CFAP46: variants seen among roughly 807,000 people sequenced by gnomAD.
CFAP46 encodes the protein cilia- and flagella-associated protein 46.
Under a neutral mutation model 325.7 loss-of-function variants are expected in CFAP46, and 245 were observed. The observed-to-expected ratio is 0.75, with a 90% CI of 0.68 to 0.84. The LOEUF (loss-of-function observed/expected upper bound fraction) is 0.84, where lower values mean the gene tolerates loss of function less well. CFAP46 is among the 40% of genes least tolerant of loss of function. CFAP46 has a pLI of 0.00. For missense variants in CFAP46, 3,346 were observed against 3,543.0 expected, an observed-to-expected ratio of 0.94 and a Z score of 1.41; for synonymous variants, 1,523 against 1,495.9, an observed-to-expected ratio of 1.02 and a Z score of -0.42.
intron 18 of CFAP46, 94 bp from the exon 19 acceptor site, chr10:132,912,914 G>C: frequency 6.7e-7 from 1 of 1,496,944 alleles, no homozygotes; most frequent in East Asian, 2.5e-5. Context: ...AGAGGCCTGA[G>C]ATGCACGGGT....
chr10:132,821,060 C>CTG (rs200480100), intron 50 of CFAP46, among the ~76,000 whole-genome samples: 3 of 82,148 alleles, frequency 3.7e-5, no homozygotes, highest in Admixed American at 1.5e-4. Context: ...GTGCTGTGTG[C>CTG]TGTGAGTGCT....
chr10:132,902,806 T>C (rs1398751979), intron 22 of CFAP46, among the ~76,000 whole-genome samples: 1 of 152,234 alleles, frequency 6.6e-6, no homozygotes, highest in Non-Finnish European at 1.5e-5. Context: ...AGTTAATTAC[T>C]GGTGGCTCAG....
At chr10:132,897,663 G>A (rs577073009) in intron 24 of CFAP46, among the ~76,000 whole-genome samples, 1 of 152,340 alleles carries the variant, frequency 6.6e-6, no homozygotes, top group Non-Finnish European at 1.5e-5. Context: ...CAGGTTGGCA[G>A]GTCGGCAGGC....
chr10:132,833,916 G>A (rs901006437), intron 49 of CFAP46, 125 bp downstream of exon 49: 14 of 831,626 alleles, frequency 1.7e-5, no homozygotes, highest in Non-Finnish European at 2.6e-5. Flanking sequence ...AGGAGCAGCA[G>A]GGCTTGTGGG....
rs1185679937 is a variant in CFAP46, at chr10:132,814,631, G to A, written c.7250-19C>T. 2.5e-6 allele frequency: 4 copies of A among 1,580,194 alleles called. No individual in the cohort carries two copies. The Admixed American group carries it at 7.5e-5, about 29-fold the overall frequency. On this transcript the variant is annotated intron_variant, in intron 52 of 57. Transcript: ENST00000368586. ...ACGACGACTGGGTCCCGGTCAAGGAGAAACGGGAGCACAGGGCGGGGTCTG... is the reference window on the plus strand; with the variant it reads ...ACGACGACTGGGTCCCGGTCAAGGAAAAACGGGAGCACAGGGCGGGGTCTG...
Position 132,895,838 on chromosome 10 carries a change from C to T in CFAP46, c.3219+3121G>A, listed in dbSNP as rs148904172. Among the ~76,000 whole-genome samples, 773 of 151,866 alleles carry T rather than the reference C, an allele frequency of 5.1e-3. 8 individuals carry two copies. Among genetic ancestry groups the T allele is most frequent in the African/African-American group, 0.018 (726 of 41,122 alleles). Reference sequence around the variant, plus strand: ...GATAAGGTCACGAGAGTGGGGTCCTCACAATGAAGTTGGTGCACTTTAAGA... The same window carrying T: ...GATAAGGTCACGAGAGTGGGGTCCTTACAATGAAGTTGGTGCACTTTAAGA... On this transcript the variant is annotated intron_variant, in intron 24 of 57. Transcript: ENST00000368586.
rs1343450420 is a variant in CFAP46 at position 132,908,576 on chromosome 10, A to G, written c.2816T>C (p.Leu939Pro). 1.3e-6 allele frequency: 2 copies of G among 1,550,200 alleles called. No individual in the cohort carries two copies. Among genetic ancestry groups the G allele is most frequent in the Non-Finnish European group, 8.7e-7 (1 of 1,146,792 alleles). Residue 939 changes from leucine to proline, a missense_variant, in exon 22 of 58, where the codon CTG becomes CCG. Transcript: ENST00000368586. ...WSDPLVELQTLTRLTHFAHAA... is the reference protein window; with the variant it reads ...WSDPLVELQTPTRLTHFAHAA... ...ATGGGCGAAGTGGGTCAGCCGCGTCAGGGTCTGCAGCTCCACCAGGGGGTC... is the reference window on the plus strand; with the variant it reads ...ATGGGCGAAGTGGGTCAGCCGCGTCGGGGTCTGCAGCTCCACCAGGGGGTC...
intron 44 of CFAP46, among the ~76,000 whole-genome samples, chr10:132,841,387 C>A (rs1259801449): frequency 1.3e-5 from 2 of 152,258 alleles, no homozygotes; most frequent in African/African-American, 2.4e-5. Flanking sequence ...GCACCTGCTG[C>A]CTCTGGACGC....
intron 19 of CFAP46, among the ~76,000 whole-genome samples, chr10:132,912,261 CTCTCCTCTCTCT>C (rs1004205244): frequency 2.5e-5 from 3 of 118,976 alleles, no homozygotes; most frequent in African/African-American, 6.3e-5. Flanking sequence ...TCTCTCTTCC[CTCTCCTCTCTCT>C]TCTCCTCTCT....
chr10:132,929,495 G>C (rs772514652), intron 9 of CFAP46: 6 of 778,430 alleles, frequency 7.7e-6, no homozygotes, highest in Middle Eastern at 2.3e-4. Context: ...CCACAAGAAA[G>C]GTAAAGAGAA....
At chr10:132,890,714 C>T (rs1415321321) in intron 25 of CFAP46, among the ~76,000 whole-genome samples, 1 of 152,146 alleles carries the variant, frequency 6.6e-6, no homozygotes, top group African/African-American at 2.4e-5. Flanking sequence ...ATTAACCCTT[C>T]CTCTGCTGCA....
intron 50 of CFAP46, among the ~76,000 whole-genome samples, chr10:132,822,784 G>GTGTGTGCTGTGTGTGCAGTGA (rs796246848): frequency 0.25 from 24,589 of 99,362 alleles, 4,440 homozygotes; most frequent in Admixed American, 0.39. Context: ...GTGTGCACTT[G>GTGTGTGCTGTGTGTGCAGTGA]TGTGTGCTGT....
Position 132,850,361 on chromosome 10 carries a change from G to A in CFAP46, c.5835C>T (p.Ser1945=), listed in dbSNP as rs368842765. The part of the protein sequence containing the change: ...LAQLGSLQPL[S]VGCVEIRARL... ...GGGCGCGGATCTCCACACAGCCCAC[G>A]CTCAGCGGCTGCAGGCTCCCCAGCT... The change falls in exon 41 of 58, where the codon AGC becomes AGT. Residue 1945 remains serine (S), a synonymous_variant. Coordinates refer to ENST00000368586, the MANE Select transcript of CFAP46 (RefSeq NM_001200049.3). 2.6e-5 allele frequency: 41 copies of A among 1,566,198 alleles called. No individual in the cohort carries two copies. In the East Asian group the frequency reaches 7.4e-4, roughly 28 times the overall value.
At position 132,939,492 on chromosome 10, in the gene CFAP46, G is replaced by A. The variant is rs1008856678; in HGVS notation, c.372-739C>T. 3.3e-5 allele frequency among the ~76,000 whole-genome samples: 5 copies of A among 152,202 alleles called. No homozygotes were observed. The highest frequency in any genetic ancestry group is 2.1e-4 in the South Asian group (1 of 4,826). ...AGGCCAGCTCTGCCATGTAGGGCCT[G>A]TGTGCCTTGTGGTCCTGGGCCGGCC... On this transcript the variant is annotated intron_variant, in intron 4 of 57. Transcript: ENST00000368586. This position sits in a 1 kb window ranked among gnomAD's most constrained non-coding sequence, Gnocchi z 4.6.
At chr10:132,914,007 C>G (rs1264271139) in intron 17 of CFAP46, among the ~76,000 whole-genome samples, 1 of 152,196 alleles carries the variant, frequency 6.6e-6, no homozygotes, top group African/African-American at 2.4e-5. Flanking sequence ...CCCGCTCACC[C>G]CTGCAAACCT....
Position 132,885,000 on chromosome 10 carries a change from G to A in CFAP46, c.3627+103C>T, listed in dbSNP as rs117374024. The A allele has an allele frequency of 5.2e-4, 667 of 1,272,268 alleles. 1 individual carries two copies. Among genetic ancestry groups the A allele is most frequent in the African/African-American group, 2.0e-3 (134 of 66,530 alleles). The allele number at this position is 1,272,268 out of a possible 1,614,324, so 78.8% of individuals were successfully genotyped here. A position where few individuals can be genotyped will look rare whatever the true frequency, so the allele number is the denominator to read the frequency against. ...TGCCCGTCAGCTGTGGCTGCTCTGC[G>A]TGCTGCCCCACACCAGGTCCCTGCT... is the stretch of plus-strand genomic sequence containing the variant. On this transcript the variant is annotated intron_variant, in intron 27 of 57. Transcript: ENST00000368586. This position sits in a 1 kb window ranked among gnomAD's most constrained non-coding sequence, Gnocchi z 5.4.
intron 3 of CFAP46, 129 bp from the exon 4 acceptor site, chr10:132,941,189 G>A: frequency 1.1e-6 from 1 of 904,324 alleles, no homozygotes; most frequent in Non-Finnish European, 1.8e-6. Flanking sequence ...ATCCACAGGT[G>A]ACGGTGTGGC....
intron 39 of CFAP46, among the ~76,000 whole-genome samples, chr10:132,854,971 A>G (rs769012992): frequency 1.3e-5 from 2 of 152,222 alleles, no homozygotes; most frequent in Non-Finnish European, 2.9e-5. Context: ...AAACATATTC[A>G]TGTGCACACA....
At chr10:132,911,495 G>T (rs1474240074) in intron 19 of CFAP46, among the ~76,000 whole-genome samples, 1 of 152,160 alleles carries the variant, frequency 6.6e-6, no homozygotes, top group Non-Finnish European at 1.5e-5. Context: ...AGGCCTCCCT[G>T]CCCCCGCCCC....
Sources: allele counts gnomAD v4.1 joint callset (sites outside exome capture counted in the v4.1 genomes callset), GRCh38; gene constraint gnomAD v4.1.1; non-coding constraint Gnocchi (gnomAD v3.1); transcripts MANE v1.5; gene names NCBI Gene and HGNC (gene_info 2026-07-23, HGNC 2026-07-21).